The following ITPRID2 variants were observed in gnomAD, a reference collection of about 807,000 sequenced individuals.
ITPRID2 encodes the protein ITPR interacting domain containing 2.
A neutral mutation model predicts 124.3 loss-of-function variants in ITPRID2; 60 were observed. The observed-to-expected ratio is 0.48, with a 90% CI of 0.39 to 0.60. The LOEUF is 0.60. Among genes scored for constraint, ITPRID2 ranks in the 20% least tolerant of loss-of-function variants. ITPRID2 has a pLI of 0.00. For synonymous variants in ITPRID2, 521 were observed against 542.9 expected, an observed-to-expected ratio of 0.96 and a Z score of 0.56; for missense variants, 1,553 against 1,512.2, an observed-to-expected ratio of 1.03 and a Z score of -0.45.
chr2:181,920,626 C>T lies in ITPRID2; in HGVS notation c.3174C>T (p.Asn1058=). The T allele has an allele frequency of 1.2e-6, 2 of 1,613,472 alleles. No homozygotes were observed. Among genetic ancestry groups the T allele is most frequent in the Non-Finnish European group, 1.7e-6 (2 of 1,179,666 alleles). Residue 1058 remains asparagine (N), a synonymous_variant, in exon 15 of 18, where the codon AAC becomes AAT. Transcript: ENST00000431877. The stretch of plus-strand genomic sequence containing the variant: ...TGTGTGGCAGTAGAAGCGCTGATAA[C>T]TTGTCATGCCCTTCTCCATTGAATG... The part of the protein sequence containing the change: ...MGMCGSRSAD[N]LSCPSPLNVM...
rs148479811 is a variant in ITPRID2 at position 181,921,715 on chromosome 2, T to C, written c.3211-233T>C. On this transcript the variant is annotated intron_variant, in intron 15 of 17. Transcript: ENST00000431877. ...GACACTTTGGTGGTAACAAGTAAAATTTCATCCTACTATGTATTCTGTTTA... is the reference window on the plus strand; with the variant it reads ...GACACTTTGGTGGTAACAAGTAAAACTTCATCCTACTATGTATTCTGTTTA... Among the ~76,000 whole-genome samples the C allele has an allele frequency of 6.1e-3, 933 of 152,308 alleles. 8 individuals carry two copies. The highest frequency in any genetic ancestry group is 0.019 in the South Asian group (91 of 4,818).
rs1002387498 is a variant in ITPRID2 at position 181,896,477 on chromosome 2, A to C, written c.307+398A>C. On this transcript the variant is annotated intron_variant, in intron 3 of 17. Transcript: ENST00000431877. This position sits in a 1 kb window ranked among gnomAD's most constrained non-coding sequence, Gnocchi z 4.3. The stretch of plus-strand genomic sequence containing the variant: ...TACCACCTGTTCAAGACAGAATTCT[A>C]AAGTTCAAAGTACAACAAGCATGTG... Among the ~76,000 whole-genome samples, 1 of 152,022 alleles carries C rather than the reference A, an allele frequency of 6.6e-6. No individual in the cohort carries two copies. Among genetic ancestry groups the C allele is most frequent in the Admixed American group, 6.5e-5 (1 of 15,274 alleles).
chr2:181,929,622 G>C lies in ITPRID2; in HGVS notation c.*75G>C, dbSNP rs376818736. ...TTATCAATGATATGCACTGGTGGAGGTGTTATTTGTGCTTTAGAAGATACT... is the reference window on the plus strand; with the variant it reads ...TTATCAATGATATGCACTGGTGGAGCTGTTATTTGTGCTTTAGAAGATACT... On this transcript the variant is annotated 3_prime_UTR_variant, in exon 18 of 18. Coordinates refer to ENST00000431877, the MANE Select transcript of ITPRID2 (RefSeq NM_001130445.3). The C allele has an allele frequency of 8.8e-5, 142 of 1,612,812 alleles. No individual in the cohort carries two copies. The highest frequency in any genetic ancestry group is 1.2e-4 in the Non-Finnish European group (142 of 1,179,334).
At chr2:181,927,467 G>GT (rs1694947197) in intron 16 of ITPRID2, among the ~76,000 whole-genome samples, 1 of 152,110 alleles carries the variant, frequency 6.6e-6, no homozygotes, top group Non-Finnish European at 1.5e-5. Context: ...CCTCAGGTCT[G>GT]TTTGCCTTTT....
chr2:181,892,788 C>T lies in ITPRID2; in HGVS notation c.257+128C>T. ...GTAAGCTACAAACCGGAAAGTGAGC[C>T]GGCGGATAGCTTCCTCCTCTAAGCG... On this transcript the variant is annotated intron_variant, in intron 2 of 17. Transcript: ENST00000431877. The surrounding 1 kb of genome is among the most constrained non-coding windows in gnomAD (Gnocchi z 5.2). 1.1e-5 allele frequency: 11 copies of T among 1,031,610 alleles called. 1 individual carries two copies. Among genetic ancestry groups the T allele is most frequent in the Middle Eastern group, 2.1e-4 (1 of 4,660 alleles). The allele number at this position is 1,031,610 out of a possible 1,614,324, so 63.9% of individuals were successfully genotyped here.
chr2:181,913,737 T>C (rs1693807783), intron 9 of ITPRID2, 108 bp from the exon 10 acceptor site: 1 of 699,248 alleles, frequency 1.4e-6, no homozygotes, highest in African/African-American at 1.8e-5. Flanking sequence ...ATCTTATATC[T>C]GCTGGGAATC....
In ITPRID2 at chr2:181,919,628, A is replaced by G. The variant is rs1694337312; in HGVS notation, c.3144+182A>G. On this transcript the variant is annotated intron_variant, in intron 14 of 17. Transcript: ENST00000431877. This position sits in a 1 kb window ranked among gnomAD's most constrained non-coding sequence, Gnocchi z 4.2. ...ACAATTTGTAATAATTGTCATAAAT[A>G]GTATATTTAGAAATATGTTGAAAAT... is the stretch of plus-strand genomic sequence containing the variant. 6.6e-6 allele frequency among the ~76,000 whole-genome samples: 1 copy of G among 152,222 alleles called. No individual in the cohort carries two copies. Among genetic ancestry groups the G allele is most frequent in the South Asian group, 2.1e-4 (1 of 4,834 alleles).
At position 181,922,031 on chromosome 2, in the gene ITPRID2, T is replaced by C. The variant is rs1694514024; in HGVS notation, c.3294T>C (p.Pro1098=). The change falls in exon 16 of 18, where the codon CCT becomes CCC. Residue 1098 remains proline, a synonymous_variant. Transcript: ENST00000431877. ...GAGAAATGGGATTTGAAATTCCTCCTGGAGAAAGCTCAGAATCTGTTTTTT... is the reference window on the plus strand; with the variant it reads ...GAGAAATGGGATTTGAAATTCCTCCCGGAGAAAGCTCAGAATCTGTTTTTT... ...GLGEMGFEIP[P]GESSESVFSQ... The C allele has an allele frequency of 1.2e-6, 2 of 1,614,108 alleles. No homozygotes were observed. The highest frequency in any genetic ancestry group is 1.1e-5 in the South Asian group (1 of 91,092).
At chr2:181,927,968 A>G (rs1221575599) in intron 16 of ITPRID2, among the ~76,000 whole-genome samples, 193 bp from the exon 17 acceptor site, 1 of 152,186 alleles carries the variant, frequency 6.6e-6, no homozygotes, top group East Asian at 1.9e-4. Context: ...ACAATTCTAG[A>G]CCAGTCCTTG....
Position 181,916,380 on chromosome 2 carries a change from C to G in ITPRID2, c.2740C>G (p.Arg914Gly). Residue 914 changes from arginine to glycine, a missense_variant, in exon 11 of 18, where the codon CGA becomes GGA. Arg to Gly is a moderately radical substitution (Grantham distance 125). Coordinates refer to ENST00000431877, the MANE Select transcript of ITPRID2 (RefSeq NM_001130445.3). ...NPPSAIEMQLRRVLHDIRNSL... is the reference protein window; with the variant it reads ...NPPSAIEMQLGRVLHDIRNSL... Reference sequence around the variant, plus strand: ...TCCTTCAGCCATAGAAATGCAGTTGCGAAGAGTATTACATGATATTAGAAA... The same window carrying G: ...TCCTTCAGCCATAGAAATGCAGTTGGGAAGAGTATTACATGATATTAGAAA... 1 of 1,614,134 alleles carries G rather than the reference C, an allele frequency of 6.2e-7. No homozygotes were observed. The highest frequency in any genetic ancestry group is 8.5e-7 in the Non-Finnish European group (1 of 1,180,020).
At chr2:181,895,094 A>G (rs1025604023) in intron 2 of ITPRID2, among the ~76,000 whole-genome samples, 1 of 152,116 alleles carries the variant, frequency 6.6e-6, no homozygotes, top group African/African-American at 2.4e-5. Context: ...CATTGTTAGT[A>G]TACTTGTAGA....
In ITPRID2 at chr2:181,907,840, CAA is replaced by C. The variant is rs1693274520; in HGVS notation, c.1414-2058_1414-2057del. Among the ~76,000 whole-genome samples the C allele has an allele frequency of 6.6e-6, 1 of 152,090 alleles. No homozygotes were observed. The highest frequency in any genetic ancestry group is 2.4e-5 in the African/African-American group (1 of 41,410). On this transcript the variant is annotated intron_variant, in intron 8 of 17. Coordinates refer to ENST00000431877, the MANE Select transcript of ITPRID2 (RefSeq NM_001130445.3). The surrounding 1 kb of genome is among the most constrained non-coding windows in gnomAD (Gnocchi z 5.1). ...GGGTACTCTGATTTTGCTGAGTAAA[CAA>C]GAAGAATCCCAACTTTAGTTTTATT...
Position 181,915,242 on chromosome 2 carries a change from G to T in ITPRID2, c.1602G>T (p.Gly534=). The T allele has an allele frequency of 6.2e-7, 1 of 1,614,072 alleles. No individual in the cohort carries two copies. The highest frequency in any genetic ancestry group is 8.5e-7 in the Non-Finnish European group (1 of 1,179,998). The change falls in exon 11 of 18, where the codon GGG becomes GGT. Residue 534 remains glycine, a synonymous_variant. Transcript: ENST00000431877. ...LQVQESLQAM[G]SSADSCDSET... is the part of the protein sequence containing the mutation. ...TTCAGGAGTCCTTGCAGGCTATGGG[G>T]AGTAGTGCTGATAGTTGTGACAGTG...
chr2:181,899,152 A>G (rs1022412588), intron 6 of ITPRID2, 40 bp downstream of exon 6: 7 of 1,354,312 alleles, frequency 5.2e-6, no homozygotes, highest in South Asian at 2.6e-5. Flanking sequence ...ACATTGTGCT[A>G]TAGATGACCT....
chr2:181,895,981 C>G (rs1336689845), intron 2 of ITPRID2, 49 bp from the exon 3 acceptor site: 1 of 1,540,788 alleles, frequency 6.5e-7, no homozygotes, highest in Admixed American at 1.7e-5. Flanking sequence ...TGACAACTTT[C>G]CAAATAGCCT....
chr2:181,900,708 G>T lies in ITPRID2; in HGVS notation c.516G>T (p.Leu172Phe). ...SSGTVSSVSE[L>F]LELYEEDPEE... ...CCTTTTTTTGTAGTGTTTCAGAATTGTTGGAACTTTATGAGGAAGATCCTG... is the reference window on the plus strand; with the variant it reads ...CCTTTTTTTGTAGTGTTTCAGAATTTTTGGAACTTTATGAGGAAGATCCTG... Residue 172 changes from leucine (L) to phenylalanine (F), a missense_variant, in exon 7 of 18, where the codon TTG (leucine) becomes TTT (phenylalanine). Coordinates refer to ENST00000431877, the MANE Select transcript of ITPRID2 (RefSeq NM_001130445.3). 6.2e-7 allele frequency: 1 copy of T among 1,604,760 alleles called. No individual in the cohort carries two copies. The highest frequency in any genetic ancestry group is 2.2e-5 in the East Asian group (1 of 44,656).
Position 181,905,077 on chromosome 2 carries a change from G to T in ITPRID2, c.1413+2611G>T, listed in dbSNP as rs978585865. Among the ~76,000 whole-genome samples the T allele has an allele frequency of 6.9e-6, 1 of 145,048 alleles. No individual in the cohort carries two copies. The highest frequency in any genetic ancestry group is 1.5e-5 in the Non-Finnish European group (1 of 67,018). ...TTTCTTTTTTTTTTTTTTTTGAGAC[G>T]GAGTCGCGCATTGTCACCCGGGAGT... is the stretch of plus-strand genomic sequence containing the variant. On this transcript the variant is annotated intron_variant, in intron 8 of 17. Transcript: ENST00000431877. This position sits in a 1 kb window ranked among gnomAD's most constrained non-coding sequence, Gnocchi z 4.1.
chr2:181,920,570 A>G, intron 14 of ITPRID2, 27 bp from the exon 15 acceptor site: 1 of 1,548,890 alleles, frequency 6.5e-7, no homozygotes, highest in South Asian at 1.1e-5. Flanking sequence ...ACACATATAC[A>G]TATATATATT....
intron 9 of ITPRID2, among the ~76,000 whole-genome samples, chr2:181,911,926 G>A (rs7603721): frequency 0.061 from 9,248 of 152,196 alleles, 445 homozygotes; most frequent in African/African-American, 0.12. Context: ...TCTGAAGTCT[G>A]AGCAGTCTAC....
Sources: allele counts gnomAD v4.1 joint callset (sites outside exome capture counted in the v4.1 genomes callset), GRCh38; gene constraint gnomAD v4.1.1; non-coding constraint Gnocchi (gnomAD v3.1); transcripts MANE v1.5; gene names NCBI Gene and HGNC (gene_info 2026-07-23, HGNC 2026-07-21).